The following ENOX1 variants were observed in gnomAD, a reference collection of about 807,000 sequenced individuals.
ENOX1 encodes ecto-NOX disulfide-thiol exchanger 1, also known as candidate growth-related and time keeping constitutive hydroquinone (NADH) oxidase.
ENOX1 carries 42 observed loss-of-function variants against 82.5 expected under a neutral mutation model. The ratio of observed to expected loss-of-function variants is 0.51; its 90% CI spans 0.40 to 0.66. ENOX1 has a LOEUF of 0.66. Ranked by LOEUF, ENOX1 falls within the 30% of genes least tolerant of loss-of-function variation. The pLI, the probability that ENOX1 is intolerant of heterozygous loss-of-function variation, is 0.00. For synonymous variants in ENOX1, 271 were observed against 282.2 expected, an observed-to-expected ratio of 0.96 and a Z score of 0.40; for missense variants, 608 against 811.6, an observed-to-expected ratio of 0.75 and a Z score of 3.05.
chr13:43,560,704 G>C (rs539930913), intron 2 of ENOX1, among the ~76,000 whole-genome samples: 54 of 152,296 alleles, frequency 3.5e-4, no homozygotes, highest in African/African-American at 1.2e-3. Flanking sequence ...GGAATGAGGA[G>C]ACAGTCTTCT....
At chr13:43,418,477 G>A (rs969471004) in intron 3 of ENOX1, among the ~76,000 whole-genome samples, 1 of 152,128 alleles carries the variant, frequency 6.6e-6, no homozygotes, top group Non-Finnish European at 1.5e-5. Context: ...GCAGTGAGCT[G>A]AGATTGTGCC....
chr13:43,356,319 T>C (rs186981505), intron 7 of ENOX1, among the ~76,000 whole-genome samples, 167 bp from the exon 8 acceptor site: 48 of 152,248 alleles, frequency 3.2e-4, no homozygotes, highest in Non-Finnish European at 6.0e-4. Flanking sequence ...CCAGCAATCT[T>C]GAAGCTCTGT....
intron 11 of ENOX1, among the ~76,000 whole-genome samples, chr13:43,299,732 G>A (rs2046469944): frequency 6.6e-6 from 1 of 152,100 alleles, no homozygotes; most frequent in Non-Finnish European, 1.5e-5. Flanking sequence ...TTCCCCACTT[G>A]TGTAAGCAAG....
chr13:43,488,944 C>A (rs191097916), intron 2 of ENOX1, among the ~76,000 whole-genome samples: 2 of 152,298 alleles, frequency 1.3e-5, no homozygotes, highest in East Asian at 3.9e-4. Flanking sequence ...GGAGTAAATT[C>A]TGAATTTTCC....
chr13:43,642,716 T>G (rs544936185), intron 2 of ENOX1, among the ~76,000 whole-genome samples: 26 of 152,324 alleles, frequency 1.7e-4, no homozygotes, highest in African/African-American at 6.0e-4. Flanking sequence ...CTTAATTAAC[T>G]ACTCATCCAT....
chr13:43,236,219 G>A (rs1043381949), intron 15 of ENOX1, among the ~76,000 whole-genome samples: 13 of 152,298 alleles, frequency 8.5e-5, no homozygotes, highest in Admixed American at 5.2e-4. Context: ...CCTTGGGAGT[G>A]ACTTTAGGAT....
intron 1 of ENOX1, among the ~76,000 whole-genome samples, chr13:43,698,204 A>G (rs1377625592): frequency 6.6e-6 from 1 of 152,206 alleles, no homozygotes; most frequent in Non-Finnish European, 1.5e-5. Flanking sequence ...CATATCCAAC[A>G]GTGATGCTCT....
At chr13:43,394,179 T>G (rs2052988505) in intron 5 of ENOX1, among the ~76,000 whole-genome samples, 1 of 152,224 alleles carries the variant, frequency 6.6e-6, no homozygotes, top group Non-Finnish European at 1.5e-5. Context: ...AATGAACTAA[T>G]ACACTTGTGC....
chr13:43,476,167 T>C (rs2058275158), intron 3 of ENOX1, among the ~76,000 whole-genome samples: 1 of 152,166 alleles, frequency 6.6e-6, no homozygotes, highest in South Asian at 2.1e-4. Flanking sequence ...AAATATTTGT[T>C]ACTTTGTTTA....
At chr13:43,448,303 A>G (rs1428738699) in intron 3 of ENOX1, among the ~76,000 whole-genome samples, 3 of 152,224 alleles carry the variant, frequency 2.0e-5, no homozygotes, top group African/African-American at 7.2e-5. Flanking sequence ...AACTCTCATT[A>G]CCATTGTACC....
At chr13:43,262,092 G>GTATT (rs1010745036) in intron 14 of ENOX1, among the ~76,000 whole-genome samples, 3 of 152,092 alleles carry the variant, frequency 2.0e-5, no homozygotes, top group African/African-American at 7.2e-5. Context: ...CAAGATGATA[G>GTATT]TATTTATTTA....
At chr13:43,446,261 C>A (rs915050080) in intron 3 of ENOX1, among the ~76,000 whole-genome samples, 1 of 151,986 alleles carries the variant, frequency 6.6e-6, no homozygotes, top group Non-Finnish European at 1.5e-5. Context: ...CTTTTGGAAC[C>A]CAGGTCAGTT....
chr13:43,662,820 G>T (rs1200008835), intron 2 of ENOX1, among the ~76,000 whole-genome samples: 2 of 152,132 alleles, frequency 1.3e-5, no homozygotes, highest in Non-Finnish European at 2.9e-5. Context: ...TTCAACATGT[G>T]GATAGTCTAA....
At chr13:43,743,526 T>C (rs1949865176) in intron 1 of ENOX1, among the ~76,000 whole-genome samples, 1 of 152,168 alleles carries the variant, frequency 6.6e-6, no homozygotes, top group Non-Finnish European at 1.5e-5. Flanking sequence ...GTAAAGCCTC[T>C]TGAGAAGATG....
intron 15 of ENOX1, among the ~76,000 whole-genome samples, chr13:43,232,962 C>T (rs2042357034): frequency 6.6e-6 from 1 of 152,130 alleles, no homozygotes; most frequent in Non-Finnish European, 1.5e-5. Flanking sequence ...AAAATTTGAT[C>T]CATTTTTCCT....
At chr13:43,603,591 T>A (rs1254157153) in intron 2 of ENOX1, among the ~76,000 whole-genome samples, 2 of 144,938 alleles carry the variant, frequency 1.4e-5, no homozygotes, top group Non-Finnish European at 1.5e-5. Context: ...CTTGTGTCCA[T>A]GTGTTCTCAT....
At chr13:43,775,751 G>A (rs982966773) in intron 1 of ENOX1, among the ~76,000 whole-genome samples, 5 of 152,182 alleles carry the variant, frequency 3.3e-5, no homozygotes, top group East Asian at 3.9e-4. Flanking sequence ...GGGCCTACAC[G>A]GTTGCAACCA....
chr13:43,778,947 A>G (rs1016037279), intron 1 of ENOX1, among the ~76,000 whole-genome samples: 8 of 152,098 alleles, frequency 5.3e-5, no homozygotes, highest in Non-Finnish European at 8.8e-5. Context: ...TAGAGAATCC[A>G]TCTCAAATCC....
At chr13:43,247,277 C>T (rs568197298) in intron 14 of ENOX1, among the ~76,000 whole-genome samples, 1 of 152,328 alleles carries the variant, frequency 6.6e-6, no homozygotes, top group South Asian at 2.1e-4. Flanking sequence ...CACACCACTG[C>T]ACTCCAACCT....
Sources: allele counts gnomAD v4.1 joint callset (sites outside exome capture counted in the v4.1 genomes callset), GRCh38; gene constraint gnomAD v4.1.1; transcripts MANE v1.5; gene names NCBI Gene and HGNC (gene_info 2026-07-23, HGNC 2026-07-21).